Variants in ZNF81 observed in about 807,000 individuals in gnomAD.
ZNF81 encodes zinc finger protein 81, also known as zinc finger protein 81 (HFZ20).
Under a neutral mutation model 32.3 loss-of-function variants are expected in ZNF81, and 5 were observed. The ratio of observed to expected loss-of-function variants is 0.15; its 90% CI spans 0.08 to 0.33. ZNF81 has a LOEUF of 0.33. Among genes scored for constraint, ZNF81 ranks in the 10% least tolerant of loss-of-function variants. The pLI, the probability that ZNF81 is intolerant of heterozygous loss-of-function variation, is 1.00. For missense variants in ZNF81, 379 were observed against 479.8 expected (o/e 0.79, Z 1.96); for synonymous variants, 163 against 166.8 (o/e 0.98, Z 0.17).
chrX:47,916,665 A>G lies in ZNF81; in HGVS notation c.*33A>G, dbSNP rs782666053. The G allele has an allele frequency of 1.9e-5, 22 of 1,175,096 alleles. No individual in the cohort carries two copies. In the South Asian group the frequency reaches 3.8e-4, roughly 20 times the overall value. ...CCTGTTTCTTGAAAATGAGAGCCTT[A>G]TAAGGCTGACAAAAGTCAGGTCTAA... On this transcript the variant is annotated 3_prime_UTR_variant, in exon 5 of 5. Coordinates refer to ENST00000338637, the MANE Select transcript of ZNF81 (RefSeq NM_007137.5).
chrX:47,905,861 A>G (rs782403775), intron 4 of ZNF81, among the ~76,000 whole-genome samples: 16 of 112,484 alleles, frequency 1.4e-4, no homozygotes, highest in African/African-American at 5.2e-4. Flanking sequence ...CCAGATCTTT[A>G]CTGACAGTGA....
At chrX:47,911,065 T>C (rs1288265035) in intron 4 of ZNF81, among the ~76,000 whole-genome samples, 1 of 111,193 alleles carries the variant, frequency 9.0e-6, no homozygotes, top group East Asian at 2.8e-4. Context: ...ATAGATTTCA[T>C]TACCTAAGAC....
chrX:47,844,269 C>T (rs1399404278), intron 1 of ZNF81, among the ~76,000 whole-genome samples: 4 of 111,951 alleles, frequency 3.6e-5, no homozygotes, highest in Non-Finnish European at 7.5e-5. Context: ...ATTTTAGAAC[C>T]TTTTCAACAC....
At chrX:47,904,366 GA>G (rs1173404405) in intron 4 of ZNF81, among the ~76,000 whole-genome samples, 3 of 102,726 alleles carry the variant, frequency 2.9e-5, no homozygotes, top group Non-Finnish European at 6.0e-5. Context: ...AAATTTACAG[GA>G]AAAAAACAAA....
chrX:47,877,193 G>A, intron 2 of ZNF81, among the ~76,000 whole-genome samples: 1 of 108,706 alleles, frequency 9.2e-6, no homozygotes, highest in South Asian at 3.8e-4. Flanking sequence ...GTTGAATTTG[G>A]GTGCACCCCC....
intron 1 of ZNF81, among the ~76,000 whole-genome samples, chrX:47,843,839 A>G (rs2058460679): frequency 1.8e-5 from 2 of 111,181 alleles, no homozygotes; most frequent in Non-Finnish European, 3.8e-5. Flanking sequence ...TGGTCATTTC[A>G]TTTCTTTTTT....
intron 2 of ZNF81, among the ~76,000 whole-genome samples, chrX:47,856,766 G>A (rs781949825): frequency 2.7e-5 from 3 of 111,008 alleles, no homozygotes; most frequent in South Asian, 3.8e-4. Flanking sequence ...CCAACATGGC[G>A]AAACCCCATC....
At position 47,917,413 on chromosome X, in the gene ZNF81, A is replaced by G. The variant is rs782237356; in HGVS notation, c.*781A>G. On this transcript the variant is annotated 3_prime_UTR_variant, in exon 5 of 5. Coordinates refer to ENST00000338637, the MANE Select transcript of ZNF81 (RefSeq NM_007137.5). Reference sequence around the variant, plus strand: ...CATCCCAAGTAGCGTCTCTTTGTCTACTACTTGACTTTGAACTTGGCCACG... The same window carrying G: ...CATCCCAAGTAGCGTCTCTTTGTCTGCTACTTGACTTTGAACTTGGCCACG... 1.3e-4 allele frequency: 39 copies of G among 292,294 alleles called. No homozygotes were observed. Among genetic ancestry groups the G allele is most frequent in the Non-Finnish European group, 2.1e-4 (36 of 167,753 alleles). The allele number at this position is 292,294 out of a possible 1,213,427, so 24.1% of individuals were successfully genotyped here. A position where few individuals can be genotyped will look rare whatever the true frequency, so the allele number is the denominator to read the frequency against.
intron 2 of ZNF81, among the ~76,000 whole-genome samples, chrX:47,853,699 C>T (rs1388542892): frequency 9.0e-6 from 1 of 110,860 alleles, no homozygotes; most frequent in African/African-American, 3.3e-5. Context: ...GCATGTGCCA[C>T]CATGCCTGGC....
At chrX:47,858,744 AAT>A (rs1235864627) in intron 2 of ZNF81, among the ~76,000 whole-genome samples, 16 of 111,869 alleles carry the variant, frequency 1.4e-4, no homozygotes, top group Non-Finnish European at 5.6e-5. Flanking sequence ...GTTTCTTTTT[AAT>A]ATGTTTCACT....
chrX:47,859,092 C>CA (rs1166917817), intron 2 of ZNF81, among the ~76,000 whole-genome samples: 46 of 69,792 alleles, frequency 6.6e-4, no homozygotes, highest in South Asian at 2.5e-3. Flanking sequence ...AACTCCGTCT[C>CA]AAAAAAAAAA....
Position 47,916,697 on chromosome X carries a change from A to G in ZNF81, c.*65A>G, listed in dbSNP as rs192847204. ...TGACAAAAGTCAGGTCTAACTATAT[A>G]TTATAAAATTCATCCAAGACAGATC... is the stretch of plus-strand genomic sequence containing the variant. On this transcript the variant is annotated 3_prime_UTR_variant, in exon 5 of 5. Transcript: ENST00000338637. The G allele has an allele frequency of 1.4e-3, 1,490 of 1,066,638 alleles. 1 individual carries two copies. The highest frequency in any genetic ancestry group is 0.013 in the Middle Eastern group (48 of 3,750). The allele number at this position is 1,066,638 out of a possible 1,213,427, so 87.9% of individuals were successfully genotyped here.
intron 2 of ZNF81, among the ~76,000 whole-genome samples, chrX:47,856,508 C>T (rs1451009911): frequency 9.0e-6 from 1 of 111,629 alleles, no homozygotes; most frequent in South Asian, 3.7e-4. Flanking sequence ...ATTTAAATAG[C>T]AGAAATCCAT....
intron 2 of ZNF81, among the ~76,000 whole-genome samples, chrX:47,869,857 G>A (rs190253023): frequency 3.5e-3 from 380 of 110,065 alleles, no homozygotes; most frequent in African/African-American, 0.012. Context: ...CACTGCACCC[G>A]GCTAATTTTT....
intron 2 of ZNF81, among the ~76,000 whole-genome samples, chrX:47,864,025 A>G (rs781815823): frequency 3.6e-5 from 4 of 111,819 alleles, no homozygotes; most frequent in Non-Finnish European, 7.5e-5. Flanking sequence ...CAGATTTTCA[A>G]AACATGTTCA....
intron 2 of ZNF81, among the ~76,000 whole-genome samples, chrX:47,855,018 C>G (rs1254599664): frequency 9.1e-6 from 1 of 109,366 alleles, no homozygotes; most frequent in Admixed American, 9.8e-5. Context: ...TGCTTGAACC[C>G]GGGAGGCAGA....
At chrX:47,888,687 T>C (rs1022142218) in intron 3 of ZNF81, among the ~76,000 whole-genome samples, 2 of 111,453 alleles carry the variant, frequency 1.8e-5, no homozygotes, top group African/African-American at 6.5e-5. Context: ...GGGGTGTGGC[T>C]GTGATAAATA....
At chrX:47,887,035 T>C (rs2058644483) in intron 2 of ZNF81, among the ~76,000 whole-genome samples, 1 of 112,119 alleles carries the variant, frequency 8.9e-6, no homozygotes, top group South Asian at 3.6e-4. Context: ...GCTTTTTTCC[T>C]AATACTGATA....
intron 2 of ZNF81, among the ~76,000 whole-genome samples, chrX:47,884,116 G>A (rs1179400774): frequency 9.2e-6 from 1 of 108,647 alleles, no homozygotes; most frequent in Non-Finnish European, 1.9e-5. Context: ...CGTGGTGGTG[G>A]GCACCTGTAA....
Sources: gnomAD v4.1 joint callset for allele counts (sites outside exome capture counted in the v4.1 genomes callset) on GRCh38, gnomAD v4.1.1 for gene constraint, MANE v1.5 for transcripts, NCBI Gene and HGNC (gene_info 2026-07-23, HGNC 2026-07-21) for gene names.